The following CARS2 variants were observed in gnomAD, a reference collection of about 807,000 sequenced individuals.
CARS2 encodes the protein probable cysteine--tRNA ligase, mitochondrial.
Under a neutral mutation model 68.8 loss-of-function variants are expected in CARS2, and 52 were observed. The observed-to-expected ratio is 0.76, with a 90% CI of 0.61 to 0.95. The LOEUF is 0.95. Among genes scored for constraint, CARS2 ranks in the 40% least tolerant of loss-of-function variants. The probability of loss-of-function intolerance (pLI) is 0.00; values close to 1 mark genes in which losing one functional copy is unlikely to be tolerated. For missense variants in CARS2, 780 were observed against 754.2 expected (o/e 1.03, Z -0.40); for synonymous variants, 314 against 303.6 (o/e 1.03, Z -0.36).
chr13:110,682,179 G>A (rs935360516), intron 6 of CARS2, among the ~76,000 whole-genome samples: 3 of 152,178 alleles, frequency 2.0e-5, no homozygotes, highest in African/African-American at 7.2e-5. Flanking sequence ...AATTTGCTAT[G>A]AAGCTAAAAT....
intron 8 of CARS2, chr13:110,664,744 GA>G (rs1228529499): frequency 9.5e-5 from 63 of 666,080 alleles, no homozygotes; most frequent in Middle Eastern, 7.4e-4. Context: ...GACGGTAACT[GA>G]AGGCAGGGCC....
intron 7 of CARS2, among the ~76,000 whole-genome samples, chr13:110,669,887 A>G (rs918266935): frequency 6.6e-6 from 1 of 152,208 alleles, no homozygotes; most frequent in Non-Finnish European, 1.5e-5. Context: ...CAATGGTCTT[A>G]GCAAACGGCA....
chr13:110,642,058 G>A (rs978077424), intron 14 of CARS2, among the ~76,000 whole-genome samples: 1 of 151,362 alleles, frequency 6.6e-6, no homozygotes, highest in Non-Finnish European at 1.5e-5. Flanking sequence ...AAAATCAGCC[G>A]AGCATGGGAG....
intron 7 of CARS2, among the ~76,000 whole-genome samples, 180 bp from the exon 8 acceptor site, chr13:110,667,653 C>T (rs2062685990): frequency 6.6e-6 from 1 of 152,218 alleles, no homozygotes. Context: ...TCATCACAAG[C>T]CCGTAATTCA....
chr13:110,681,387 T>G (rs917544310), intron 6 of CARS2, among the ~76,000 whole-genome samples: 5 of 152,230 alleles, frequency 3.3e-5, no homozygotes, highest in Non-Finnish European at 5.9e-5. Context: ...ATTTCCTAAT[T>G]TTGTACCATT....
At chr13:110,646,465 G>C (rs1416682602) in intron 11 of CARS2, 1 of 173,116 alleles carries the variant, frequency 5.8e-6, no homozygotes, top group Non-Finnish European at 1.2e-5. Context: ...CCAGCCCGGG[G>C]CTCCCGGATC....
chr13:110,690,326 G>A (rs1033377712), intron 3 of CARS2, among the ~76,000 whole-genome samples: 2 of 152,232 alleles, frequency 1.3e-5, no homozygotes, highest in Admixed American at 1.3e-4. Flanking sequence ...ATGGCATGAA[G>A]GGGTGCCCAG....
At chr13:110,688,592 GA>G (rs993943501) in intron 3 of CARS2, among the ~76,000 whole-genome samples, 70 of 149,740 alleles carry the variant, frequency 4.7e-4, no homozygotes, top group South Asian at 8.4e-4. Context: ...ATCCTCAGGA[GA>G]AAAAAAAAAT....
chr13:110,707,406 G>A (rs1438812405), upstream of CARS2: 1 of 152,196 alleles, frequency 6.6e-6, no homozygotes, highest in African/African-American at 2.4e-5. Context: ...CAGCACTTTG[G>A]GAGGCTGAGG....
At position 110,650,993 on chromosome 13, in the gene CARS2, C is replaced by T. The variant is rs192671914; in HGVS notation, c.1054+41G>A. On this transcript the variant is annotated intron_variant, in intron 10 of 14. Transcript: ENST00000257347. The stretch of plus-strand genomic sequence containing the variant: ...TCAGTCCTGTCAGAATGACTGTCTC[C>T]GAGCTGGGGGGGGAGTCCACTCCAC... The T allele has an allele frequency of 3.9e-4, 587 of 1,487,112 alleles. 4 individuals are homozygous for T. In the African/African-American group the frequency reaches 7.4e-3, roughly 19 times the overall value. 92.1% of individuals were successfully genotyped at this position (1,487,112 alleles called of 1,614,324 possible).
intron 3 of CARS2, among the ~76,000 whole-genome samples, chr13:110,699,106 G>A (rs1251387110): frequency 1.3e-5 from 2 of 152,242 alleles, no homozygotes; most frequent in Non-Finnish European, 2.9e-5. Context: ...CCTCCACCAT[G>A]GGATGATGCA....
At chr13:110,656,528 G>T (rs77772414) in intron 9 of CARS2, among the ~76,000 whole-genome samples, 5,659 of 152,268 alleles carry the variant, frequency 0.037, 339 homozygotes, top group African/African-American at 0.12. Context: ...TGTCGGGGCT[G>T]GGAGGAGGTG....
intron 12 of CARS2, 79 bp downstream of exon 12, chr13:110,645,888 G>T: frequency 6.5e-7 from 1 of 1,529,190 alleles, no homozygotes; most frequent in Non-Finnish European, 8.8e-7. Flanking sequence ...CCACCCAGCC[G>T]ACATGAGAAA....
intron 6 of CARS2, among the ~76,000 whole-genome samples, chr13:110,679,597 A>AGAGAAAGAAAGAAAGAAAGAAAGAGAG (rs2063088369): frequency 2.3e-5 from 1 of 43,618 alleles, no homozygotes; most frequent in Admixed American, 2.5e-4. Flanking sequence ...GAAAGAAAGA[A>AGAGAAAGAAAGAAAGAAAGAAAGAGAG]AGAGAGAGAG....
chr13:110,682,117 G>A (rs557702277), intron 6 of CARS2, among the ~76,000 whole-genome samples: 1 of 152,116 alleles, frequency 6.6e-6, no homozygotes, highest in South Asian at 2.1e-4. Context: ...ACAGTGTGGG[G>A]GGCGGTGTGG....
At chr13:110,692,006 AT>A (rs1235743671) in intron 3 of CARS2, among the ~76,000 whole-genome samples, 88 of 49,426 alleles carry the variant, frequency 1.8e-3, no homozygotes, top group African/African-American at 4.9e-3. Context: ...AAAAAAAAAT[AT>A]ATATATATAT....
intron 12 of CARS2, chr13:110,645,714 CAG>C (rs1419044490): frequency 4.9e-5 from 22 of 446,412 alleles, no homozygotes; most frequent in African/African-American, 1.2e-4. Flanking sequence ...ATCAAGCACA[CAG>C]AATTTCTCAG....
At position 110,651,061 on chromosome 13, in the gene CARS2, A is replaced by G. The variant is rs2062197727; in HGVS notation, c.1027T>C (p.Phe343Leu). 1.2e-6 allele frequency: 2 copies of G among 1,613,454 alleles called. No homozygotes were observed. The highest frequency in any genetic ancestry group is 1.3e-5 in the African/African-American group (1 of 74,926). ...GAGCGGTAGCTGCTCCGCAGGCAGA[A>G]GAACCGGAAGACATCGGGGGAAAAG... ...KTFSPDVFRF[F>L]CLRSSYRSAI... is the part of the protein sequence containing the mutation. The change falls in exon 10 of 15, where the codon TTC becomes CTC. Residue 343 changes from phenylalanine (F) to leucine (L), a missense_variant. By Grantham distance (22) the Phe-to-Leu change is conservative. Transcript: ENST00000257347.
intron 5 of CARS2, among the ~76,000 whole-genome samples, chr13:110,687,281 T>C (rs1031985998): frequency 1.1e-4 from 17 of 152,196 alleles, no homozygotes; most frequent in African/African-American, 4.1e-4. Context: ...AGCTTTGCTG[T>C]TGGAATCCTA....
Sources: allele counts gnomAD v4.1 joint callset (sites outside exome capture counted in the v4.1 genomes callset), GRCh38; gene constraint gnomAD v4.1.1; transcripts MANE v1.5; gene names NCBI Gene and HGNC (gene_info 2026-07-23, HGNC 2026-07-21).